Variants in LPP observed in about 807,000 individuals in gnomAD.
LPP encodes the protein lipoma-preferred partner.
A neutral mutation model predicts 60.4 loss-of-function variants in LPP; 38 were observed. The ratio of observed to expected loss-of-function variants is 0.63; its 90% CI spans 0.49 to 0.83. The LOEUF (loss-of-function observed/expected upper bound fraction) is 0.83, where lower values mean the gene tolerates loss of function less well. LPP is among the 40% of genes least tolerant of loss of function. The probability of loss-of-function intolerance (pLI) is 0.00; values close to 1 mark genes in which losing one functional copy is unlikely to be tolerated. For missense variants in LPP, 902 were observed against 783.6 expected (o/e 1.15, Z -1.80); for synonymous variants, 328 against 290.8 (o/e 1.13, Z -1.30).
At chr3:188,206,922 G>C (rs766058599) in intron 1 of LPP, among the ~76,000 whole-genome samples, 2 of 152,110 alleles carry the variant, frequency 1.3e-5, no homozygotes. Context: ...ATAATACCTA[G>C]CACAGAGTAA....
chr3:188,159,901 TTTTG>T (rs55880860), intron 1 of LPP, among the ~76,000 whole-genome samples: 40,313 of 151,756 alleles, frequency 0.27, 5,576 homozygotes, highest in Non-Finnish European at 0.33. Flanking sequence ...CAGAGTATTT[TTTTG>T]TTTGTTTGTT....
intron 5 of LPP, 75 bp from the exon 6 acceptor site, chr3:188,524,590 A>C: frequency 6.7e-7 from 1 of 1,481,722 alleles, no homozygotes; most frequent in South Asian, 1.3e-5. Context: ...GCCACATTAT[A>C]ACTTGAGAAA....
At chr3:188,872,267 T>A (rs1300944007) in intron 10 of LPP, among the ~76,000 whole-genome samples, 2 of 152,156 alleles carry the variant, frequency 1.3e-5, no homozygotes, top group Admixed American at 1.3e-4. Context: ...TACAAAAGTC[T>A]AGAAACAAAA....
intron 7 of LPP, among the ~76,000 whole-genome samples, chr3:188,641,549 A>G (rs547644919): frequency 2.6e-5 from 4 of 152,324 alleles, no homozygotes; most frequent in Admixed American, 1.3e-4. Flanking sequence ...AAAACAAGTC[A>G]GTAGTTACAA....
intron 4 of LPP, among the ~76,000 whole-genome samples, chr3:188,446,594 T>G (rs1033936540): frequency 2.6e-5 from 4 of 152,214 alleles, no homozygotes; most frequent in Non-Finnish European, 4.4e-5. Flanking sequence ...TTCCCCAAAT[T>G]TCCTTAATTT....
At position 188,509,687 on chromosome 3, in the gene LPP, T is replaced by TTCCTTCCTTCC. The variant is rs757666151; in HGVS notation, c.307-14978_307-14977insTCCTTCCTTCC. On this transcript the variant is annotated intron_variant, in intron 5 of 11. Transcript: ENST00000617246. ...CTTCCTTCCTTCCTTCCTTCCTTCC[T>TTCCTTCCTTCC]CTCTCTCTCTCTTTTCTTTTTTTTT... is the stretch of plus-strand genomic sequence containing the variant. 5.0e-3 allele frequency among the ~76,000 whole-genome samples: 433 copies of TTCCTTCCTTCC among 87,356 alleles called. 28 individuals carry two copies. Among genetic ancestry groups the TTCCTTCCTTCC allele is most frequent in the Non-Finnish European group, 8.3e-3 (354 of 42,676 alleles). 57.3% of individuals were successfully genotyped at this position (87,356 alleles called of 152,430 possible). A position where few individuals can be genotyped will look rare whatever the true frequency, so the allele number is the denominator to read the frequency against.
At chr3:188,392,159 A>G (rs1389737221) in intron 3 of LPP, among the ~76,000 whole-genome samples, 2 of 152,180 alleles carry the variant, frequency 1.3e-5, no homozygotes, top group African/African-American at 4.8e-5. Context: ...ATTACGTTCT[A>G]TTACATCTCT....
chr3:188,465,182 C>T lies in LPP; in HGVS notation c.194-19410C>T, dbSNP rs192757937. On this transcript the variant is annotated intron_variant, in intron 4 of 11. Coordinates refer to ENST00000617246, the MANE Select transcript of LPP (RefSeq NM_001375462.1). Reference sequence around the variant, plus strand: ...AAATAAAAATAAAATCCAGAGTATACTTCCCCCTTTAGTAACAGATAGAAG... The same window carrying T: ...AAATAAAAATAAAATCCAGAGTATATTTCCCCCTTTAGTAACAGATAGAAG... Among the ~76,000 whole-genome samples the T allele has an allele frequency of 2.8e-4, 43 of 152,242 alleles. 1 individual carries two copies. The East Asian group carries it at 7.3e-3, about 26-fold the overall frequency.
chr3:188,374,613 T>C (rs1055098484), intron 3 of LPP, among the ~76,000 whole-genome samples: 24 of 152,284 alleles, frequency 1.6e-4, no homozygotes, highest in East Asian at 9.6e-4. Context: ...TGGGCTGAGA[T>C]GATGGGGTTT....
intron 2 of LPP, among the ~76,000 whole-genome samples, chr3:188,304,409 C>T (rs189452984): frequency 1.6e-4 from 24 of 152,192 alleles, no homozygotes; most frequent in Admixed American, 6.5e-4. Flanking sequence ...TTGGCAGAAC[C>T]AGGAGTATAA....
At chr3:188,482,983 C>T (rs567613447) in intron 4 of LPP, among the ~76,000 whole-genome samples, 1 of 152,244 alleles carries the variant, frequency 6.6e-6, no homozygotes, top group Admixed American at 6.5e-5. Flanking sequence ...ACCCAAAAAT[C>T]TGTATTTTAA....
At position 188,174,487 on chromosome 3, in the gene LPP, A is replaced by G. The variant is rs576767494; in HGVS notation, c.-190+20235A>G. ...ACGCATGAGGCAGCAGGGAAGGCAC[A>G]GCATGCTGGGTGAGGCAGCAGGTGC... On this transcript the variant is annotated intron_variant, in intron 1 of 11. Coordinates refer to ENST00000617246, the MANE Select transcript of LPP (RefSeq NM_001375462.1). Among the ~76,000 whole-genome samples, 70 of 152,354 alleles carry G rather than the reference A, an allele frequency of 4.6e-4. 1 individual carries two copies. Among genetic ancestry groups the G allele is most frequent in the Middle Eastern group, 3.4e-3 (1 of 294 alleles).
intron 4 of LPP, among the ~76,000 whole-genome samples, chr3:188,441,512 C>T (rs746947582): frequency 6.6e-6 from 1 of 151,638 alleles, no homozygotes. Context: ...TTACTAGTCC[C>T]TGGAAGGTAC....
Position 188,882,696 on chromosome 3 carries a change from A to G in LPP, c.*8217A>G, listed in dbSNP as rs1409435082. The stretch of plus-strand genomic sequence containing the variant: ...AAAGGACTTCCCAGCCATCTTTTCT[A>G]CTTGGTATTAAAATTCCCTTACAGA... On this transcript the variant is annotated 3_prime_UTR_variant, in exon 12 of 12. Coordinates refer to ENST00000617246, the MANE Select transcript of LPP (RefSeq NM_001375462.1). The G allele has an allele frequency of 4.8e-6, 1 of 208,722 alleles. No individual in the cohort carries two copies. Among genetic ancestry groups the G allele is most frequent in the Non-Finnish European group, 9.7e-6 (1 of 102,788 alleles). 12.9% of individuals were successfully genotyped at this position (208,722 alleles called of 1,614,324 possible). A position where few individuals can be genotyped will look rare whatever the true frequency, so the allele number is the denominator to read the frequency against.
chr3:188,409,301 G>T (rs1784376647), intron 4 of LPP, among the ~76,000 whole-genome samples: 1 of 152,112 alleles, frequency 6.6e-6, no homozygotes, highest in Admixed American at 6.6e-5. Context: ...ATATGCAAGA[G>T]AAGAAATTTT....
intron 9 of LPP, among the ~76,000 whole-genome samples, chr3:188,778,232 A>T (rs1738459452): frequency 6.6e-6 from 1 of 152,196 alleles, no homozygotes. Flanking sequence ...TGAAGTTATG[A>T]TTAAATTTGT....
chr3:188,639,658 A>G (rs1335211147), intron 7 of LPP, among the ~76,000 whole-genome samples: 1 of 149,816 alleles, frequency 6.7e-6, no homozygotes, highest in Non-Finnish European at 1.5e-5. Flanking sequence ...ATGAACTCAA[A>G]CAAATTTACA....
At chr3:188,350,455 A>G (rs756485320) in intron 3 of LPP, among the ~76,000 whole-genome samples, 1 of 152,228 alleles carries the variant, frequency 6.6e-6, no homozygotes, top group African/African-American at 2.4e-5. Context: ...GAAGCAGGCA[A>G]ATATCAGGCA....
At chr3:188,481,285 G>A (rs1259352819) in intron 4 of LPP, among the ~76,000 whole-genome samples, 3 of 152,076 alleles carry the variant, frequency 2.0e-5, no homozygotes, top group Admixed American at 2.0e-4. Flanking sequence ...TTGAAAACGT[G>A]AGCACCTCTC....
Sources: gnomAD v4.1 joint callset for allele counts (sites outside exome capture counted in the v4.1 genomes callset) on GRCh38, gnomAD v4.1.1 for gene constraint, MANE v1.5 for transcripts, NCBI Gene and HGNC (gene_info 2026-07-23, HGNC 2026-07-21) for gene names.